Variants in PHRF1 observed in about 807,000 individuals in gnomAD.
PHRF1 encodes the protein PHD and ring finger domains 1.
PHRF1 carries 53 observed loss-of-function variants against 128.9 expected under a neutral mutation model. The ratio of observed to expected loss-of-function variants is 0.41; its 90% CI spans 0.33 to 0.52. The LOEUF is 0.52. PHRF1 is among the 20% of genes least tolerant of loss of function. The pLI is 0.21. For synonymous variants in PHRF1, 1,178 were observed against 980.6 expected, an observed-to-expected ratio of 1.20 and a Z score of -3.76; for missense variants, 2,503 against 2,284.5, an observed-to-expected ratio of 1.10 and a Z score of -1.95.
intron 1 of PHRF1, among the ~76,000 whole-genome samples, chr11:581,236 T>C (rs953323173): frequency 6.6e-6 from 1 of 152,000 alleles, no homozygotes; most frequent in South Asian, 2.1e-4. Flanking sequence ...CTGGTGAGGG[T>C]TGTTCTGTGG....
intron 6 of PHRF1, among the ~76,000 whole-genome samples, chr11:596,158 C>CCCTT (rs1382746419): frequency 6.6e-6 from 1 of 152,150 alleles, no homozygotes; most frequent in Non-Finnish European, 1.5e-5. Flanking sequence ...CAGCTTGACT[C>CCCTT]CCTTCCCTTG....
rs1212639613 is a variant in PHRF1 at position 597,957 on chromosome 11, C to A, written c.894+387C>A. On this transcript the variant is annotated intron_variant, in intron 8 of 17. Coordinates refer to ENST00000264555, the MANE Select transcript of PHRF1 (RefSeq NM_001286581.2). The surrounding 1 kb of genome is among the most constrained non-coding windows in gnomAD (Gnocchi z 6.5). ...CTCCCTGCAGCCTCCGTCCTGACAG[C>A]AGCCTTTCCCTGGGCATTGGACAAG... Among the ~76,000 whole-genome samples, 1 of 152,242 alleles carries A rather than the reference C, an allele frequency of 6.6e-6. No individual in the cohort carries two copies. Among genetic ancestry groups the A allele is most frequent in the Non-Finnish European group, 1.5e-5 (1 of 68,046 alleles).
chr11:588,993 G>A (rs531620398), intron 4 of PHRF1, among the ~76,000 whole-genome samples: 3 of 152,034 alleles, frequency 2.0e-5, no homozygotes, highest in African/African-American at 4.8e-5. Context: ...AAAATTATCC[G>A]GGCGTGGTAC....
At chr11:595,986 C>A (rs1034827892) in intron 6 of PHRF1, among the ~76,000 whole-genome samples, 3 of 152,188 alleles carry the variant, frequency 2.0e-5, no homozygotes, top group African/African-American at 7.2e-5. Context: ...TTGTATGGCC[C>A]TAGCAAGGGC....
intron 12 of PHRF1, 89 bp from the exon 13 acceptor site, chr11:606,353 G>C (rs1383938645): frequency 4.9e-6 from 7 of 1,434,884 alleles, no homozygotes; most frequent in African/African-American, 1.4e-5. Context: ...CACTCTCCCT[G>C]GCTCCCGCCT....
rs1225000497 is a variant in PHRF1, at chr11:606,456, C to T, written c.1469C>T (p.Ala490Val). ...TGTGCCCACAGGAGGCGCCTCCCTG[C>T]CGCGGTGCCAGAGCCAGACTTGGAG... The part of the protein sequence containing the change: ...SVGLSRRRLP[A>V]AVPEPDLEEE... The change falls in exon 13 of 18, where the codon GCC (alanine) becomes GTC (valine). Residue 490 changes from alanine (A) to valine (V), a missense_variant. By Grantham distance (64) the Ala-to-Val change is moderately conservative. Coordinates refer to ENST00000264555, the MANE Select transcript of PHRF1 (RefSeq NM_001286581.2). The T allele has an allele frequency of 6.4e-7, 1 of 1,561,644 alleles. No individual in the cohort carries two copies. Among genetic ancestry groups the T allele is most frequent in the Non-Finnish European group, 8.6e-7 (1 of 1,159,022 alleles).
chr11:581,738 C>A, intron 2 of PHRF1, 132 bp downstream of exon 2: 3 of 1,038,688 alleles, frequency 2.9e-6, no homozygotes, highest in Non-Finnish European at 2.7e-6. Context: ...TTTTAAATTG[C>A]GGAAGTAGTG....
intron 9 of PHRF1, among the ~76,000 whole-genome samples, chr11:601,132 C>T (rs1046361769): frequency 1.1e-4 from 17 of 151,972 alleles, no homozygotes; most frequent in African/African-American, 4.1e-4. Context: ...GCCTTCGTGA[C>T]AGAGCAAGAC....
At chr11:576,972 A>G (rs368814376) in intron 1 of PHRF1, among the ~76,000 whole-genome samples, 4 of 151,800 alleles carry the variant, frequency 2.6e-5, no homozygotes, top group South Asian at 4.2e-4. Flanking sequence ...ACGCGGCGAG[A>G]GCCCACTCGC....
chr11:604,144 C>T (rs1226146431), intron 10 of PHRF1, among the ~76,000 whole-genome samples: 1 of 152,268 alleles, frequency 6.6e-6, no homozygotes, highest in East Asian at 1.9e-4. Context: ...CCCCTGGGCT[C>T]TCCCTTTGCT....
Position 606,850 on chromosome 11 carries a change from C to T in PHRF1, c.1610-216C>T, listed in dbSNP as rs184181499. Reference sequence around the variant, plus strand: ...TACTGCCCCCGCCCCTGGTTAATATCGTGTCCTGATGGCCTCAGGCACTGT... The same window carrying T: ...TACTGCCCCCGCCCCTGGTTAATATTGTGTCCTGATGGCCTCAGGCACTGT... On this transcript the variant is annotated intron_variant, in intron 13 of 17. Transcript: ENST00000264555. 3.2e-3 allele frequency: 2,869 copies of T among 903,640 alleles called. 16 individuals carry two copies. Among genetic ancestry groups the T allele is most frequent in the Non-Finnish European group, 4.2e-3 (2,574 of 616,860 alleles). 56.0% of individuals were successfully genotyped at this position (903,640 alleles called of 1,614,324 possible).
chr11:590,488 A>G (rs537072900), intron 4 of PHRF1, among the ~76,000 whole-genome samples: 6 of 152,262 alleles, frequency 3.9e-5, no homozygotes, highest in Admixed American at 2.6e-4. Flanking sequence ...AGGAAGAAAC[A>G]GTCAGGTGGG....
At chr11:600,968 AAAAAC>A (rs1321767626) in intron 9 of PHRF1, among the ~76,000 whole-genome samples, 6 of 152,224 alleles carry the variant, frequency 3.9e-5, no homozygotes, top group South Asian at 4.2e-4. Flanking sequence ...TCCGTCTCAA[AAAAAC>A]AAAACAAAAT....
chr11:589,412 A>G (rs972346025), intron 4 of PHRF1, among the ~76,000 whole-genome samples: 1 of 152,134 alleles, frequency 6.6e-6, no homozygotes, highest in Non-Finnish European at 1.5e-5. Context: ...ACACAGGAGG[A>G]CAGGAAGGCA....
rs766423002 is a variant in PHRF1 at position 609,136 on chromosome 11, A to C, written c.3680A>C (p.His1227Pro). The change falls in exon 14 of 18, where the codon CAT becomes CCT. Residue 1227 changes from histidine (H) to proline (P), a missense_variant. Coordinates refer to ENST00000264555, the MANE Select transcript of PHRF1 (RefSeq NM_001286581.2). ...PTRLPALGEA[H>P]VSPEVATADK... The stretch of plus-strand genomic sequence containing the variant: ...AGGTTGCCAGCCTTGGGGGAAGCAC[A>C]TGTCTCGCCGGAGGTGGCTACGGCC... 1.2e-6 allele frequency: 2 copies of C among 1,606,260 alleles called. No homozygotes were observed. The highest frequency in any genetic ancestry group is 1.7e-6 in the Non-Finnish European group (2 of 1,178,642).
chr11:587,382 A>T lies in PHRF1; in HGVS notation c.338A>T (p.Asn113Ile), dbSNP rs1327101932. 1 of 1,613,784 alleles carries T rather than the reference A, an allele frequency of 6.2e-7. No individual in the cohort carries two copies. Residue 113 changes from asparagine to isoleucine, a missense_variant, in exon 4 of 18, where the codon AAC (asparagine) becomes ATC (isoleucine). Transcript: ENST00000264555. ...GCAGAGAGCTGCCCAATCTGTCTCA[A>T]CGCATTCAGAGACCAGGCCGTGGGG... The part of the protein sequence containing the change: ...DDAESCPICL[N>I]AFRDQAVGTP...
At chr11:606,970 C>T (rs1855986401) in intron 13 of PHRF1, 96 bp from the exon 14 acceptor site, 11 of 1,499,470 alleles carry the variant, frequency 7.3e-6, no homozygotes, top group Admixed American at 2.3e-5. Flanking sequence ...TTAAAGCGCA[C>T]GACCTCACAG....
chr11:581,650 G>C (rs1854210482), intron 2 of PHRF1, 44 bp downstream of exon 2: 1 of 1,551,148 alleles, frequency 6.4e-7, no homozygotes, highest in Admixed American at 1.9e-5. Context: ...AGGAGGAGCA[G>C]GGTGCCTGGT....
chr11:601,820 A>G, intron 10 of PHRF1, 119 bp downstream of exon 10: 19 of 1,269,506 alleles, frequency 1.5e-5, no homozygotes, highest in Non-Finnish European at 2.1e-5. Context: ...TGGAGCAGGG[A>G]TCATCATCGT....
Sources: gnomAD v4.1 joint callset for allele counts (sites outside exome capture counted in the v4.1 genomes callset) on GRCh38, gnomAD v4.1.1 for gene constraint, Gnocchi (gnomAD v3.1) non-coding constraint, MANE v1.5 for transcripts, NCBI Gene and HGNC (gene_info 2026-07-23, HGNC 2026-07-21) for gene names.